The following NEBL variants were observed in gnomAD, a reference collection of about 807,000 sequenced individuals.
The protein encoded by NEBL is LIM and SH3 protein 2.
A neutral mutation model predicts 140.2 loss-of-function variants in NEBL; 122 were observed. The observed-to-expected ratio is 0.87, with a 90% CI of 0.75 to 1.01. The LOEUF (loss-of-function observed/expected upper bound fraction) is 1.01, where lower values mean the gene tolerates loss of function less well. NEBL is among the 50% of genes least tolerant of loss of function. The pLI is 0.00. For synonymous variants in NEBL, 436 were observed against 398.9 expected (o/e 1.09, Z -1.11); for missense variants, 1,365 against 1,231.3 (o/e 1.11, Z -1.62).
At position 20,831,253 on chromosome 10, in the gene NEBL, C is replaced by A. The variant is rs1840384699; in HGVS notation, c.1614G>T (p.Val538=). 6.2e-7 allele frequency: 1 copy of A among 1,613,540 alleles called. No homozygotes were observed. The highest frequency in any genetic ancestry group is 1.3e-5 in the African/African-American group (1 of 74,910). The change falls in exon 16 of 28, where the codon GTG becomes GTT. Residue 538 remains valine (V), a synonymous_variant. Transcript: ENST00000377122. ...GAAGGATATCTGGGATATCCATGCT[C>A]ACTTGCATTCCTTTCCCTTTAATTT... ...ENEIKGKGMQ[V]SMDIPDILRA... is the part of the protein sequence containing the mutation.
At chr10:21,066,128 G>C (rs1835528212) in intron 2 of NEBL, among the ~76,000 whole-genome samples, 1 of 152,044 alleles carries the variant, frequency 6.6e-6, no homozygotes, top group African/African-American at 2.4e-5. Flanking sequence ...CTGTGAGTTG[G>C]GCCACCTCCC....
chr10:21,167,462 C>T (rs563395382), intron 2 of NEBL, among the ~76,000 whole-genome samples: 357 of 152,310 alleles, frequency 2.3e-3, no homozygotes, highest in Non-Finnish European at 4.1e-3. Flanking sequence ...AAATTATTGG[C>T]AAGGTCATGT....
At chr10:20,797,712 A>G (rs996421295) in intron 26 of NEBL, among the ~76,000 whole-genome samples, 3 of 152,196 alleles carry the variant, frequency 2.0e-5, no homozygotes, top group Admixed American at 2.0e-4. Flanking sequence ...TCGTAAGGAT[A>G]GTTAGACAGG....
chr10:20,840,293 T>G (rs1048302102), intron 13 of NEBL, among the ~76,000 whole-genome samples: 7 of 152,136 alleles, frequency 4.6e-5, no homozygotes, highest in Non-Finnish European at 7.4e-5. Flanking sequence ...ATAAAGTGCA[T>G]GAAAAGTGAG....
intron 2 of NEBL, among the ~76,000 whole-genome samples, chr10:21,021,661 G>C (rs1177190117): frequency 6.6e-6 from 1 of 152,124 alleles, no homozygotes; most frequent in Admixed American, 6.5e-5. Flanking sequence ...TCCCAAGTTT[G>C]GGTCAGGAAT....
At chr10:21,016,912 GA>G (rs1012146466) in intron 3 of NEBL, among the ~76,000 whole-genome samples, 4 of 151,986 alleles carry the variant, frequency 2.6e-5, no homozygotes, top group African/African-American at 4.8e-5. Flanking sequence ...CTCTCACCCA[GA>G]AAAAAAGAAA....
intron 1 of NEBL, among the ~76,000 whole-genome samples, chr10:21,279,680 C>G (rs1842968025): frequency 6.6e-6 from 1 of 151,420 alleles, no homozygotes; most frequent in South Asian, 2.1e-4. Context: ...ATCACTTGAA[C>G]CTGGGAGGCA....
intron 14 of NEBL, among the ~76,000 whole-genome samples, chr10:20,832,838 C>T (rs768412129): frequency 3.0e-4 from 46 of 152,288 alleles, no homozygotes; most frequent in Non-Finnish European, 5.4e-4. Flanking sequence ...CTTACACTCC[C>T]AGTATCACTT....
intron 3 of NEBL, 57 bp downstream of exon 3, chr10:20,889,788 T>C (rs1285037916): frequency 3.9e-6 from 4 of 1,038,384 alleles, no homozygotes; most frequent in Non-Finnish European, 6.1e-6. Context: ...CAGACTTTCA[T>C]CTATATAATA....
chr10:21,011,351 A>T (rs1248075916), intron 3 of NEBL, among the ~76,000 whole-genome samples: 1 of 152,234 alleles, frequency 6.6e-6, no homozygotes, highest in Non-Finnish European at 1.5e-5. Context: ...TTTATGTGTT[A>T]GAGCTGCCCT....
intron 3 of NEBL, among the ~76,000 whole-genome samples, chr10:21,239,699 C>A (rs1330938097): frequency 2.0e-5 from 3 of 152,128 alleles, no homozygotes; most frequent in Non-Finnish European, 4.4e-5. Flanking sequence ...CTCGTCCAAA[C>A]TCAGAACAGA....
At chr10:20,940,717 G>A (rs1323403956) in intron 4 of NEBL, among the ~76,000 whole-genome samples, 1 of 148,556 alleles carries the variant, frequency 6.7e-6, no homozygotes, top group Admixed American at 6.8e-5. Context: ...AAAGAGAGAA[G>A]AATCAAATAG....
chr10:21,081,361 GGGATGTGA>G (rs1221378830), intron 2 of NEBL, among the ~76,000 whole-genome samples: 1 of 152,172 alleles, frequency 6.6e-6, no homozygotes, highest in African/African-American at 2.4e-5. Flanking sequence ...GTCAGCCATG[GGGATGTGA>G]GGCTTGTTAT....
At chr10:21,167,014 C>T (rs577060700) in intron 2 of NEBL, among the ~76,000 whole-genome samples, 12 of 152,160 alleles carry the variant, frequency 7.9e-5, no homozygotes, top group Non-Finnish European at 1.6e-4. Context: ...TGACCAGCAG[C>T]GAAATGGTAC....
At chr10:21,221,564 G>A (rs576544665) in intron 3 of NEBL, among the ~76,000 whole-genome samples, 1 of 151,822 alleles carries the variant, frequency 6.6e-6, no homozygotes, top group South Asian at 2.1e-4. Context: ...GAGTGCACTG[G>A]CCCGATCTCG....
chr10:21,041,571 T>A (rs910763767), intron 2 of NEBL, among the ~76,000 whole-genome samples: 8 of 152,340 alleles, frequency 5.3e-5, no homozygotes, highest in African/African-American at 1.9e-4. Context: ...AGCCCATTCT[T>A]AAATGCCTTT....
At chr10:21,167,686 C>G (rs770586047) in intron 2 of NEBL, among the ~76,000 whole-genome samples, 5 of 152,164 alleles carry the variant, frequency 3.3e-5, no homozygotes, top group Non-Finnish European at 5.9e-5. Context: ...GACAAATGGT[C>G]TTAGGGTTTA....
Position 21,122,002 on chromosome 10 carries a change from GGTT to G in NEBL, c.164+50378_164+50380del, listed in dbSNP as rs147160117. ...GCCAAGGAATGTGGGGATTTCTCCT[GGTT>G]GTTGTTGTTGTTGTTGTTGTTGTTG... is the stretch of plus-strand genomic sequence containing the variant. On this transcript the variant is annotated intron_variant, in intron 2 of 6. Coordinates refer to the NEBL transcript ENST00000417816. 7.9e-3 allele frequency among the ~76,000 whole-genome samples: 1,179 copies of G among 149,518 alleles called. 7 individuals carry two copies. The highest frequency in any genetic ancestry group is 0.021 in the Middle Eastern group (6 of 292).
intron 2 of NEBL, among the ~76,000 whole-genome samples, chr10:21,048,214 T>A (rs1057229649): frequency 1.3e-5 from 2 of 152,198 alleles, no homozygotes; most frequent in Admixed American, 6.5e-5. Context: ...AGAGTTGGTA[T>A]CCCATCAGTC....
Sources: gnomAD v4.1 joint callset for allele counts (sites outside exome capture counted in the v4.1 genomes callset) on GRCh38, gnomAD v4.1.1 for gene constraint, MANE v1.5 for transcripts, NCBI Gene and HGNC (gene_info 2026-07-23, HGNC 2026-07-21) for gene names.